TLN2: variants seen among roughly 807,000 people sequenced by gnomAD.
TLN2 encodes the protein talin 2.
In TLN2, 118 loss-of-function variants were observed where a neutral mutation model predicts 294.7. The observed-to-expected ratio is 0.40, with a 90% CI of 0.34 to 0.47. The LOEUF (loss-of-function observed/expected upper bound fraction) is 0.47. Among genes scored for constraint, TLN2 ranks in the 20% least tolerant of loss-of-function variants. The probability of loss-of-function intolerance (pLI) is 0.84; values close to 1 mark genes in which losing one functional copy is unlikely to be tolerated. For missense variants in TLN2, 3,083 were observed against 3,282.2 expected (o/e 0.94, Z 1.48); for synonymous variants, 1,431 against 1,304.5 (o/e 1.10, Z -2.09).
At chr15:62,702,336 G>T in intron 18 of TLN2, 136 bp downstream of exon 18, 1 of 1,012,964 alleles carries the variant, frequency 9.9e-7, no homozygotes, top group Non-Finnish European at 1.4e-6. Flanking sequence ...AGTAACTGGA[G>T]TTGTGGAACT....
At chr15:62,746,457 T>C (rs779531418) in intron 32 of TLN2, among the ~76,000 whole-genome samples, 3 of 152,210 alleles carry the variant, frequency 2.0e-5, no homozygotes, top group Non-Finnish European at 4.4e-5. Flanking sequence ...AATTAAATAG[T>C]GGTCACCAAA....
intron 1 of TLN2, among the ~76,000 whole-genome samples, chr15:62,477,728 A>G (rs987418654): frequency 1.3e-5 from 2 of 151,790 alleles, no homozygotes; most frequent in African/African-American, 4.8e-5. Flanking sequence ...TTGCAGTGAG[A>G]TGTTGAGAAT....
At chr15:62,545,239 T>C (rs1458773619) in intron 1 of TLN2, among the ~76,000 whole-genome samples, 1 of 152,078 alleles carries the variant, frequency 6.6e-6, no homozygotes, top group Non-Finnish European at 1.5e-5. Context: ...CACCCGGCTG[T>C]TATGCTTTTT....
intron 51 of TLN2, among the ~76,000 whole-genome samples, chr15:62,808,503 A>C (rs1306740930): frequency 6.6e-6 from 1 of 152,116 alleles, no homozygotes; most frequent in African/African-American, 2.4e-5. Flanking sequence ...AGTGGGTCCA[A>C]TAGTATAAGA....
rs779662562 is a variant in TLN2 at position 62,752,382 on chromosome 15, G to A, written c.4287G>A (p.Gly1429=). 45 of 1,614,068 alleles carry A rather than the reference G, an allele frequency of 2.8e-5. No homozygotes were observed. The South Asian group carries it at 4.5e-4, about 16-fold the overall frequency. The part of the protein sequence containing the change: ...GDLPAFGECV[G]IASKALCGLT... ...TCCCTGCCTTTGGGGAATGTGTGGG[G>A]ATTGCATCCAAGGCTCTCTGTGGGC... The change falls in exon 35 of 59, where the codon GGG becomes GGA. Residue 1429 remains glycine, a synonymous_variant. Coordinates refer to ENST00000636159, the MANE Select transcript of TLN2 (RefSeq NM_015059.3).
intron 1 of TLN2, among the ~76,000 whole-genome samples, chr15:62,570,580 T>C (rs72753900): frequency 6.6e-6 from 1 of 152,220 alleles, no homozygotes; most frequent in Admixed American, 6.5e-5. Flanking sequence ...TGAACAAGTC[T>C]GAATATTCTC....
intron 2 of TLN2, among the ~76,000 whole-genome samples, chr15:62,605,364 G>C (rs2047345317): frequency 6.6e-6 from 1 of 152,158 alleles, no homozygotes; most frequent in African/African-American, 2.4e-5. Flanking sequence ...TAATAAACTA[G>C]TAAAAGCGAT....
At chr15:62,722,244 T>C (rs1047910072) in intron 25 of TLN2, 109 bp from the exon 26 acceptor site, 24 of 1,287,554 alleles carry the variant, frequency 1.9e-5, no homozygotes, top group African/African-American at 2.9e-5. Context: ...ATTCCTTTTT[T>C]TTAGGACAAA....
rs1268876591 is a variant in TLN2, at chr15:62,669,254, G to T, written c.789-4573G>T. Among the ~76,000 whole-genome samples, 4 of 152,130 alleles carry T rather than the reference G, an allele frequency of 2.6e-5. No individual in the cohort carries two copies. The East Asian group carries it at 7.7e-4, about 29-fold the overall frequency. ...TTTATACTATTTCAGCAGCTCATGG[G>T]CTATGTCAGTGTATCATATAATCAT... On this transcript the variant is annotated intron_variant, in intron 9 of 58. Transcript: ENST00000636159.
At chr15:62,391,709 G>C (rs2140217869) in intron 1 of TLN2, among the ~76,000 whole-genome samples, 1 of 152,338 alleles carries the variant, frequency 6.6e-6, no homozygotes, top group Non-Finnish European at 1.5e-5. Context: ...AAGGGCGCGC[G>C]GACTACAGCG....
At chr15:62,494,642 C>A (rs1343598000) in intron 1 of TLN2, among the ~76,000 whole-genome samples, 1 of 152,022 alleles carries the variant, frequency 6.6e-6, no homozygotes, top group African/African-American at 2.4e-5. Flanking sequence ...AAAATAAAAT[C>A]TCTGTTCATA....
chr15:62,542,623 G>A (rs147215312), intron 1 of TLN2, among the ~76,000 whole-genome samples: 73 of 152,228 alleles, frequency 4.8e-4, no homozygotes, highest in African/African-American at 1.5e-3. Context: ...AAATAACAAA[G>A]ATAATTTACT....
chr15:62,731,911 A>G (rs1165694268), intron 28 of TLN2, among the ~76,000 whole-genome samples: 11 of 152,244 alleles, frequency 7.2e-5, no homozygotes, highest in African/African-American at 2.7e-4. Context: ...GTATACATTT[A>G]TTACTTTGAA....
intron 54 of TLN2, among the ~76,000 whole-genome samples, chr15:62,821,310 T>C (rs1029012550): frequency 2.6e-5 from 4 of 152,170 alleles, no homozygotes; most frequent in African/African-American, 7.2e-5. Flanking sequence ...AGCAGGAAAA[T>C]GGTAGAACCA....
At chr15:62,729,212 A>G (rs982589454) in intron 28 of TLN2, among the ~76,000 whole-genome samples, 16 of 152,202 alleles carry the variant, frequency 1.1e-4, no homozygotes, top group African/African-American at 3.4e-4. Context: ...TTCTTATATT[A>G]GTACTATGCT....
At chr15:62,733,586 C>G (rs1483026643) in intron 28 of TLN2, among the ~76,000 whole-genome samples, 1 of 152,196 alleles carries the variant, frequency 6.6e-6, no homozygotes, top group East Asian at 1.9e-4. Context: ...TGTGTCATAC[C>G]TGGTCTTTGT....
At chr15:62,709,251 T>C (rs1352791889) in intron 21 of TLN2, among the ~76,000 whole-genome samples, 3 of 152,190 alleles carry the variant, frequency 2.0e-5, no homozygotes, top group Non-Finnish European at 1.5e-5. Flanking sequence ...GGGGAGGGCC[T>C]AGACCATGGC....
At chr15:62,640,853 G>A (rs1430799976) in intron 3 of TLN2, among the ~76,000 whole-genome samples, 1 of 152,062 alleles carries the variant, frequency 6.6e-6, no homozygotes, top group Non-Finnish European at 1.5e-5. Flanking sequence ...CCAGGCTGGA[G>A]TGCAGTGGCG....
At chr15:62,575,408 G>A (rs1009220314) in intron 1 of TLN2, among the ~76,000 whole-genome samples, 8 of 152,080 alleles carry the variant, frequency 5.3e-5, no homozygotes, top group Non-Finnish European at 1.2e-4. Flanking sequence ...ATAAAATACA[G>A]GCACGTTTTA....
Sources: allele counts gnomAD v4.1 joint callset (sites outside exome capture counted in the v4.1 genomes callset), GRCh38; gene constraint gnomAD v4.1.1; transcripts MANE v1.5; gene names NCBI Gene and HGNC (gene_info 2026-07-23, HGNC 2026-07-21).